The following CA5A variants were observed in gnomAD, a reference collection of about 807,000 sequenced individuals.
CA5A encodes the protein carbonic anhydrase 5A, mitochondrial.
In CA5A, 28 loss-of-function variants were observed where a neutral mutation model predicts 37.1. The ratio of observed to expected loss-of-function variants is 0.75; its 90% CI spans 0.56 to 1.03. The LOEUF (loss-of-function observed/expected upper bound fraction) is 1.03, where lower values mean the gene tolerates loss of function less well. Among genes scored for constraint, CA5A ranks in the 50% least tolerant of loss-of-function variants. CA5A has a pLI of 0.00. For missense variants in CA5A, 444 were observed against 399.9 expected, an observed-to-expected ratio of 1.11 and a Z score of -0.94; for synonymous variants, 171 against 158.4, an observed-to-expected ratio of 1.08 and a Z score of -0.60.
At chr16:87,919,238 G>C (rs1336493420) in intron 2 of CA5A, among the ~76,000 whole-genome samples, 1 of 152,208 alleles carries the variant, frequency 6.6e-6, no homozygotes, top group African/African-American at 2.4e-5. Context: ...GTCAGCTCGG[G>C]GTCCATGGCC....
At chr16:87,910,797 T>C (rs1424531009) in intron 2 of CA5A, among the ~76,000 whole-genome samples, 1 of 152,106 alleles carries the variant, frequency 6.6e-6, no homozygotes, top group African/African-American at 2.4e-5. Context: ...TCACCTAGGC[T>C]GGAGTGCAAT....
chr16:87,899,992 G>A (rs562848800), intron 5 of CA5A, among the ~76,000 whole-genome samples: 180 of 140,300 alleles, frequency 1.3e-3, no homozygotes, highest in African/African-American at 4.5e-3. Context: ...GATGAGCCCA[G>A]AGATCAGCAT....
intron 1 of CA5A, among the ~76,000 whole-genome samples, chr16:87,933,567 G>T (rs1473815742): frequency 2.0e-5 from 3 of 149,526 alleles, no homozygotes; most frequent in Non-Finnish European, 3.0e-5. Flanking sequence ...TTTTTTTTTA[G>T]AGATGGGTTC....
At chr16:87,918,976 A>AAAT (rs1031201951) in intron 2 of CA5A, among the ~76,000 whole-genome samples, 2 of 94,106 alleles carry the variant, frequency 2.1e-5, no homozygotes, top group African/African-American at 1.1e-4. Flanking sequence ...AGAAAATGAC[A>AAAT]AAGTGAAACC....
At chr16:87,906,924 T>G (rs1360259575) in intron 2 of CA5A, among the ~76,000 whole-genome samples, 2 of 152,002 alleles carry the variant, frequency 1.3e-5, no homozygotes, top group Non-Finnish European at 2.9e-5. Context: ...GCACATAAAA[T>G]CACTTTGTTA....
chr16:87,904,584 A>G (rs1269733008), intron 3 of CA5A, among the ~76,000 whole-genome samples: 2 of 152,154 alleles, frequency 1.3e-5, no homozygotes, highest in African/African-American at 4.8e-5. Flanking sequence ...GTTAAATGAG[A>G]GAGAACTTAC....
At chr16:87,899,272 CTGG>C (rs1217181450) in intron 5 of CA5A, among the ~76,000 whole-genome samples, 1 of 143,576 alleles carries the variant, frequency 7.0e-6, no homozygotes, top group Non-Finnish European at 1.5e-5. Context: ...GCTCCCAAGG[CTGG>C]GCCTTTTACC....
In CA5A at chr16:87,911,031, G is replaced by A. The variant is rs1002196226; in HGVS notation, c.341-6127C>T. 6.7e-6 allele frequency among the ~76,000 whole-genome samples: 1 copy of A among 149,642 alleles called. No individual in the cohort carries two copies. Among genetic ancestry groups the A allele is most frequent in the African/African-American group, 2.5e-5 (1 of 40,532 alleles). On this transcript the variant is annotated intron_variant, in intron 2 of 6. Transcript: ENST00000649794. This position sits in a 1 kb window ranked among gnomAD's most constrained non-coding sequence, Gnocchi z 4.6. The stretch of plus-strand genomic sequence containing the variant: ...CCCCAAGTGCTGGGATTACAAGCAT[G>A]AGCCACTGTGCCCAGCCTAAAGTGA...
chr16:87,910,560 C>T (rs2143993558), intron 2 of CA5A, among the ~76,000 whole-genome samples: 1 of 152,210 alleles, frequency 6.6e-6, no homozygotes, highest in African/African-American at 2.4e-5. Context: ...GGCTGCAGAC[C>T]TGGATAAAAT....
intron 2 of CA5A, among the ~76,000 whole-genome samples, chr16:87,910,947 A>G (rs1463443013): frequency 6.6e-6 from 1 of 151,798 alleles, no homozygotes; most frequent in Non-Finnish European, 1.5e-5. Flanking sequence ...ACGGGGTTTC[A>G]CCATGTTGGC....
exon 5 of CA5A, chr16:87,881,588 A>T (rs2055608130): frequency 1.3e-5 from 2 of 152,286 alleles, no homozygotes; most frequent in Admixed American, 1.3e-4. Flanking sequence ...AGAAAATAAG[A>T]TAAAAGCAAA....
intron 6 of CA5A, among the ~76,000 whole-genome samples, chr16:87,888,753 T>G (rs1160403196): frequency 6.6e-6 from 1 of 152,158 alleles, no homozygotes; most frequent in African/African-American, 2.4e-5. Flanking sequence ...ATGATTGGTT[T>G]TTGTTGTTGT....
intron 2 of CA5A, among the ~76,000 whole-genome samples, chr16:87,908,371 G>A (rs2055995889): frequency 6.6e-6 from 1 of 152,192 alleles, no homozygotes; most frequent in African/African-American, 2.4e-5. Flanking sequence ...GTCTGATGAT[G>A]GCAGTGGTGG....
At chr16:87,903,609 C>A (rs765183198) in intron 3 of CA5A, among the ~76,000 whole-genome samples, 71 of 152,304 alleles carry the variant, frequency 4.7e-4, no homozygotes, top group Admixed American at 1.0e-3. Flanking sequence ...CAATAGATAT[C>A]ACTCCCTATT....
In CA5A at chr16:87,888,139, G is replaced by C. The variant is rs1486044342; in HGVS notation, c.908C>G (p.Thr303Arg). The C allele has an allele frequency of 3.1e-6, 5 of 1,613,086 alleles. No homozygotes were observed. The highest frequency in any genetic ancestry group is 3.3e-4 in the Middle Eastern group (2 of 6,054). Residue 303 changes from threonine to arginine, a missense_variant, in exon 7 of 7, where the codon ACA (threonine) becomes AGA (arginine). Physicochemically the swap from Thr to Arg is moderately conservative, Grantham distance 71. Transcript: ENST00000649794. ...GTGGACCTAATGTCTCTAGGACCTT[G>C]TGCCCTCATTAGTGGCCTGGAAGGA... is the stretch of plus-strand genomic sequence containing the variant. ...WASFQATNEG[T>R]RS
At chr16:87,893,096 G>C (rs2055748012) in intron 5 of CA5A, 3 of 685,086 alleles carry the variant, frequency 4.4e-6, no homozygotes, top group Middle Eastern at 4.4e-4. Context: ...TGAAGGAACA[G>C]TTTGCCTAGA....
chr16:87,920,448 T>A (rs1469679657), intron 2 of CA5A, among the ~76,000 whole-genome samples: 1 of 151,970 alleles, frequency 6.6e-6, no homozygotes, highest in Non-Finnish European at 1.5e-5. Context: ...TAGCTGGGAT[T>A]ACAGGCATGC....
intron 2 of CA5A, among the ~76,000 whole-genome samples, chr16:87,912,553 C>T (rs1303664732): frequency 3.9e-5 from 6 of 152,240 alleles, no homozygotes; most frequent in South Asian, 2.1e-4. Context: ...CTTTCTCCCA[C>T]GTGCCGGGCA....
chr16:87,913,337 C>G (rs955216730), intron 2 of CA5A, among the ~76,000 whole-genome samples: 3 of 137,262 alleles, frequency 2.2e-5, no homozygotes, highest in East Asian at 2.0e-4. Context: ...GGGTCTCATT[C>G]TGTCACCCAG....
Sources: allele counts gnomAD v4.1 joint callset (sites outside exome capture counted in the v4.1 genomes callset), GRCh38; gene constraint gnomAD v4.1.1; non-coding constraint Gnocchi (gnomAD v3.1); transcripts MANE v1.5; gene names NCBI Gene and HGNC (gene_info 2026-07-23, HGNC 2026-07-21).